RSPO2: variants seen among roughly 807,000 people sequenced by gnomAD.
RSPO2 encodes R-spondin 2, also known as R-spondin-2.
RSPO2 carries 14 observed loss-of-function variants against 30.9 expected under a neutral mutation model. The observed-to-expected ratio is 0.45, with a 90% CI of 0.30 to 0.71. The LOEUF (loss-of-function observed/expected upper bound fraction) is 0.71. Ranked by LOEUF, RSPO2 falls within the 30% of genes least tolerant of loss-of-function variation. The pLI, the probability that RSPO2 is intolerant of heterozygous loss-of-function variation, is 0.08. For synonymous variants in RSPO2, 107 were observed against 96.4 expected, an observed-to-expected ratio of 1.11 and a Z score of -0.64; for missense variants, 264 against 301.9, an observed-to-expected ratio of 0.87 and a Z score of 0.93.
At chr8:107,995,444 C>T (rs1218527997) in intron 2 of RSPO2, among the ~76,000 whole-genome samples, 1 of 152,098 alleles carries the variant, frequency 6.6e-6, no homozygotes, top group African/African-American at 2.4e-5. Context: ...CCTGTTGGGT[C>T]ATAACTTGTT....
intron 3 of RSPO2, among the ~76,000 whole-genome samples, 156 bp from the exon 4 acceptor site, chr8:107,960,973 T>C (rs182514791): frequency 6.6e-6 from 1 of 152,308 alleles, no homozygotes; most frequent in Admixed American, 6.5e-5. Context: ...CGCCATCTCA[T>C]TCTAAGTCAT....
chr8:108,018,269 T>C (rs903783319), intron 2 of RSPO2, among the ~76,000 whole-genome samples: 2 of 152,206 alleles, frequency 1.3e-5, no homozygotes, highest in Non-Finnish European at 2.9e-5. Context: ...ATCCTAGTTA[T>C]CATGACACAT....
At chr8:108,081,836 G>C in intron 2 of RSPO2, 1 of 903,368 alleles carries the variant, frequency 1.1e-6, no homozygotes, top group South Asian at 5.1e-5. Flanking sequence ...CAAATGGAGA[G>C]AGCGAAGTGG....
chr8:107,913,045 C>T (rs1027241156), intron 5 of RSPO2, among the ~76,000 whole-genome samples: 1 of 152,030 alleles, frequency 6.6e-6, no homozygotes, highest in Non-Finnish European at 1.5e-5. Context: ...ATTTAACATT[C>T]ATATAATCAA....
intron 2 of RSPO2, among the ~76,000 whole-genome samples, chr8:108,011,220 A>G (rs1810700832): frequency 6.6e-6 from 1 of 150,900 alleles, no homozygotes; most frequent in African/African-American, 2.5e-5. Flanking sequence ...GGAAAGGAAA[A>G]GGAAAAGGGA....
At chr8:107,957,309 A>G (rs1813463027) in intron 5 of RSPO2, among the ~76,000 whole-genome samples, 1 of 152,208 alleles carries the variant, frequency 6.6e-6, no homozygotes, top group South Asian at 2.1e-4. Context: ...ATGACATTGT[A>G]GCATCCGCTA....
At chr8:107,928,793 A>G (rs1427867883) in intron 5 of RSPO2, among the ~76,000 whole-genome samples, 1 of 152,196 alleles carries the variant, frequency 6.6e-6, no homozygotes, top group Non-Finnish European at 1.5e-5. Flanking sequence ...TATGAGATAA[A>G]GTTGGCGTTA....
intron 2 of RSPO2, among the ~76,000 whole-genome samples, chr8:108,053,436 A>G (rs891332148): frequency 1.3e-5 from 2 of 152,198 alleles, no homozygotes; most frequent in African/African-American, 4.8e-5. Context: ...TAGAGCCCAC[A>G]GATATTCCTA....
intron 2 of RSPO2, among the ~76,000 whole-genome samples, chr8:108,003,716 T>C (rs1031095890): frequency 6.6e-6 from 1 of 152,164 alleles, no homozygotes; most frequent in African/African-American, 2.4e-5. Flanking sequence ...CAGGACAGAT[T>C]GCAGGCTACA....
At chr8:108,071,869 C>A (rs934504226) in intron 2 of RSPO2, among the ~76,000 whole-genome samples, 1 of 152,194 alleles carries the variant, frequency 6.6e-6, no homozygotes, top group African/African-American at 2.4e-5. Flanking sequence ...GACCAGGATT[C>A]CCTTCTTTTA....
chr8:107,974,931 T>C (rs998104322), intron 3 of RSPO2, among the ~76,000 whole-genome samples: 2 of 152,152 alleles, frequency 1.3e-5, no homozygotes, highest in Non-Finnish European at 2.9e-5. Context: ...TTATTTGAAG[T>C]GTACTGTTCT....
At chr8:107,917,614 A>C (rs1812021550) in intron 5 of RSPO2, among the ~76,000 whole-genome samples, 1 of 152,224 alleles carries the variant, frequency 6.6e-6, no homozygotes, top group Non-Finnish European at 1.5e-5. Context: ...AATCCTTTAG[A>C]CATGAGGTCC....
chr8:108,046,883 C>T (rs968213621), intron 2 of RSPO2, among the ~76,000 whole-genome samples: 2 of 152,258 alleles, frequency 1.3e-5, no homozygotes, highest in South Asian at 2.1e-4. Context: ...ACACCTTTTA[C>T]CCAGTCAGAA....
chr8:107,941,807 T>C (rs1812905599), intron 5 of RSPO2, among the ~76,000 whole-genome samples: 1 of 152,176 alleles, frequency 6.6e-6, no homozygotes, highest in African/African-American at 2.4e-5. Flanking sequence ...GTGAATTCTT[T>C]ATAGTTAGTG....
chr8:107,926,301 G>A (rs777063659), intron 5 of RSPO2, among the ~76,000 whole-genome samples: 4 of 151,858 alleles, frequency 2.6e-5, no homozygotes, highest in Non-Finnish European at 5.9e-5. Context: ...CTGGATATTA[G>A]CCCTTTGTCA....
intron 2 of RSPO2, among the ~76,000 whole-genome samples, chr8:107,997,515 T>C (rs943023422): frequency 3.3e-5 from 5 of 152,194 alleles, no homozygotes; most frequent in African/African-American, 7.2e-5. Flanking sequence ...AGATGAAATA[T>C]ATCTCATAAA....
At chr8:107,988,796 T>C (rs1814740498) in intron 3 of RSPO2, among the ~76,000 whole-genome samples, 1 of 151,976 alleles carries the variant, frequency 6.6e-6, no homozygotes, top group South Asian at 2.1e-4. Flanking sequence ...CCTGGCTAAT[T>C]TTTGTATTTT....
At chr8:107,959,355 A>T (rs1260204652) in intron 4 of RSPO2, among the ~76,000 whole-genome samples, 1 of 152,136 alleles carries the variant, frequency 6.6e-6, no homozygotes, top group Non-Finnish European at 1.5e-5. Flanking sequence ...TTAAGTCCAC[A>T]TAGTGGAAAA....
chr8:108,082,715 C>G lies in RSPO2; in HGVS notation c.-77G>C, dbSNP rs1224390769. The stretch of plus-strand genomic sequence containing the variant: ...GTTCGCCCAAAGAGCCGGCGCCGGC[C>G]GCGCTGCTGGGGAGGACTCAGAGGG... On this transcript the variant is annotated 5_prime_UTR_variant, in exon 2 of 6. Coordinates refer to ENST00000276659, the MANE Select transcript of RSPO2 (RefSeq NM_178565.5). 7.7e-7 allele frequency: 1 copy of G among 1,290,506 alleles called. No homozygotes were observed. Among genetic ancestry groups the G allele is most frequent in the Non-Finnish European group, 1.1e-6 (1 of 902,378 alleles). 79.9% of individuals were successfully genotyped at this position (1,290,506 alleles called of 1,614,324 possible). A position where few individuals can be genotyped will look rare whatever the true frequency, so the allele number is the denominator to read the frequency against.
Sources: allele counts gnomAD v4.1 joint callset (sites outside exome capture counted in the v4.1 genomes callset), GRCh38; gene constraint gnomAD v4.1.1; transcripts MANE v1.5; gene names NCBI Gene and HGNC (gene_info 2026-07-23, HGNC 2026-07-21).